PACS1: variants seen among roughly 807,000 people sequenced by gnomAD.
PACS1 encodes the protein phosphofurin acidic cluster sorting protein 1, also known as PACS-1.
In PACS1, 24 loss-of-function variants were observed where a neutral mutation model predicts 115.0. That is an observed-to-expected ratio of 0.21 (90% CI 0.15 to 0.29). The LOEUF (loss-of-function observed/expected upper bound fraction) is 0.29. Among genes scored for constraint, PACS1 ranks in the 10% least tolerant of loss-of-function variants. PACS1 has a pLI of 1.00. For synonymous variants in PACS1, 453 were observed against 504.5 expected (o/e 0.90, Z 1.37); for missense variants, 838 against 1,251.2 (o/e 0.67, Z 4.98).
chr11:66,102,658 C>T (rs1857946227), intron 1 of PACS1, among the ~76,000 whole-genome samples: 1 of 151,858 alleles, frequency 6.6e-6, no homozygotes, highest in Admixed American at 6.6e-5. Context: ...TACTGGTGGC[C>T]TTGAAATCAG....
chr11:66,077,662 G>C lies in PACS1; in HGVS notation c.356+6820G>C, dbSNP rs760174566. On this transcript the variant is annotated intron_variant, in intron 1 of 23. Coordinates refer to ENST00000320580, the MANE Select transcript of PACS1 (RefSeq NM_018026.4). ...ATAAAATAGTGTTGATGGCAGGTTT[G>C]TTTATTTAATTTTGTGCAGATCCTT... 2.0e-5 allele frequency among the ~76,000 whole-genome samples: 3 copies of C among 147,174 alleles called. No homozygotes were observed. In the East Asian group the frequency reaches 6.0e-4, roughly 29 times the overall value.
At chr11:66,224,729 C>T (rs543095927) in intron 10 of PACS1, among the ~76,000 whole-genome samples, 7 of 152,208 alleles carry the variant, frequency 4.6e-5, no homozygotes, top group South Asian at 4.1e-4. Flanking sequence ...GTATGAAAGG[C>T]GCTTTGGGAA....
At chr11:66,154,064 G>T (rs938131128) in intron 1 of PACS1, among the ~76,000 whole-genome samples, 5 of 152,122 alleles carry the variant, frequency 3.3e-5, no homozygotes, top group Non-Finnish European at 7.4e-5. Context: ...AGAGATTAAG[G>T]ATACTTTATA....
rs77181139 is a variant in PACS1, at chr11:66,233,316, G to C, written c.1838+250G>C. Among the ~76,000 whole-genome samples the C allele has an allele frequency of 0.011, 1,681 of 152,312 alleles. 17 individuals carry two copies. The highest frequency in any genetic ancestry group is 0.024 in the South Asian group (115 of 4,830). On this transcript the variant is annotated intron_variant, in intron 15 of 23. Transcript: ENST00000320580. This position sits in a 1 kb window ranked among gnomAD's most constrained non-coding sequence, Gnocchi z 4.5. ...CCTGCCTGGACCCCCGCCATGCCTT[G>C]ACTTGCTTTATCCTCTTAAACCCAT...
intron 1 of PACS1, among the ~76,000 whole-genome samples, chr11:66,181,305 A>G (rs1016863417): frequency 1.3e-5 from 2 of 151,414 alleles, no homozygotes; most frequent in South Asian, 4.2e-4. Flanking sequence ...TCCACCTCCC[A>G]GGGTTCAAAC....
chr11:66,195,783 TACAGC>T (rs1330007332), intron 2 of PACS1, among the ~76,000 whole-genome samples: 2 of 152,182 alleles, frequency 1.3e-5, no homozygotes, highest in Admixed American at 1.3e-4. Context: ...GCACAGGGGA[TACAGC>T]AGTGATCAAA....
At chr11:66,091,856 A>T (rs11605317) in intron 1 of PACS1, among the ~76,000 whole-genome samples, 1 of 151,314 alleles carries the variant, frequency 6.6e-6, no homozygotes, top group African/African-American at 2.4e-5. Flanking sequence ...TGAACTCATC[A>T]TTTTTTATGG....
Position 66,111,329 on chromosome 11 carries a change from C to T in PACS1, c.356+40487C>T, listed in dbSNP as rs568439364. On this transcript the variant is annotated intron_variant, in intron 1 of 23. Coordinates refer to ENST00000320580, the MANE Select transcript of PACS1 (RefSeq NM_018026.4). ...TTATTGTTGACTGCATGTTGTTCTG[C>T]GGTGCATGACTGTACTAGTTTTAAA... 6.6e-5 allele frequency among the ~76,000 whole-genome samples: 10 copies of T among 152,270 alleles called. No homozygotes were observed. In the South Asian group the frequency reaches 1.0e-3, roughly 16 times the overall value.
chr11:66,144,676 G>A (rs944897019), intron 1 of PACS1, among the ~76,000 whole-genome samples: 5 of 152,124 alleles, frequency 3.3e-5, no homozygotes, highest in African/African-American at 1.2e-4. Context: ...CTCTGTGGCC[G>A]AGGGTGGAGT....
chr11:66,233,923 C>T lies in PACS1; in HGVS notation c.1977C>T (p.Phe659=). The T allele has an allele frequency of 6.3e-7, 1 of 1,576,496 alleles. No homozygotes were observed. Residue 659 remains phenylalanine, a synonymous_variant, in exon 16 of 24, where the codon TTC becomes TTT. Coordinates refer to ENST00000320580, the MANE Select transcript of PACS1 (RefSeq NM_018026.4). This position sits in a 1 kb window ranked among gnomAD's most constrained non-coding sequence, Gnocchi z 4.5. ...KTSDWLGYMR[F]LIIPLGSHPV... ...CCGACTGGCTTGGCTACATGCGCTTCCTCATCATCCCCCTCGGTAAAGACG... is the reference window on the plus strand; with the variant it reads ...CCGACTGGCTTGGCTACATGCGCTTTCTCATCATCCCCCTCGGTAAAGACG...
intron 1 of PACS1, among the ~76,000 whole-genome samples, chr11:66,122,125 C>T (rs1858458004): frequency 6.6e-6 from 1 of 152,182 alleles, no homozygotes; most frequent in South Asian, 2.1e-4. Context: ...AGCCAATGCT[C>T]ATTGACTATT....
chr11:66,235,496 C>T lies in PACS1; in HGVS notation c.2207+93C>T. ...TGCTTTCTCACATTTTCCTTCTCCA[C>T]ATGCTATATTCCTTCATAGGAACCC... On this transcript the variant is annotated intron_variant, in intron 18 of 23. Coordinates refer to ENST00000320580, the MANE Select transcript of PACS1 (RefSeq NM_018026.4). The surrounding 1 kb of genome is among the most constrained non-coding windows in gnomAD (Gnocchi z 5.6). 3 of 916,122 alleles carry T rather than the reference C, an allele frequency of 3.3e-6. No individual in the cohort carries two copies. Among genetic ancestry groups the T allele is most frequent in the Non-Finnish European group, 1.7e-6 (1 of 572,002 alleles). The allele number at this position is 916,122 out of a possible 1,614,324, so 56.7% of individuals were successfully genotyped here. A position where few individuals can be genotyped will look rare whatever the true frequency, so the allele number is the denominator to read the frequency against.
intron 1 of PACS1, among the ~76,000 whole-genome samples, chr11:66,136,889 G>T (rs1265487065): frequency 6.6e-6 from 1 of 152,098 alleles, no homozygotes; most frequent in Non-Finnish European, 1.5e-5. Flanking sequence ...GCTATTGGAG[G>T]ACAGTGCCCG....
chr11:66,070,354 C>T lies in PACS1; in HGVS notation c.-133C>T. ...CGCCCAGAGGCCCCGCGCGTGCGTG[C>T]AGCTCGCTGGCTGCTCGCGCTCGGG... On this transcript the variant is annotated 5_prime_UTR_variant, in exon 1 of 24. Coordinates refer to ENST00000320580, the MANE Select transcript of PACS1 (RefSeq NM_018026.4). This position sits in a 1 kb window ranked among gnomAD's most constrained non-coding sequence, Gnocchi z 5.9. 1 of 399,552 alleles carries T rather than the reference C, an allele frequency of 2.5e-6. No homozygotes were observed. The highest frequency in any genetic ancestry group is 3.8e-6 in the Non-Finnish European group (1 of 260,318). The allele number at this position is 399,552 out of a possible 1,614,324, so 24.8% of individuals were successfully genotyped here.
At chr11:66,192,415 AG>A (rs758596578) in intron 1 of PACS1, among the ~76,000 whole-genome samples, 4 of 152,236 alleles carry the variant, frequency 2.6e-5, no homozygotes, top group South Asian at 4.1e-4. Flanking sequence ...GTTAGGTGGC[AG>A]GGTGGTGCCA....
intron 1 of PACS1, among the ~76,000 whole-genome samples, chr11:66,168,780 A>G (rs991771631): frequency 2.8e-5 from 4 of 141,120 alleles, no homozygotes; most frequent in African/African-American, 8.5e-5. Flanking sequence ...GTGTGTGTGT[A>G]TACATTTACA....
intron 1 of PACS1, among the ~76,000 whole-genome samples, chr11:66,140,258 A>G (rs751307091): frequency 1.3e-5 from 2 of 152,198 alleles, no homozygotes; most frequent in Non-Finnish European, 2.9e-5. Context: ...CTTTAGCTCT[A>G]CAGCTGTGCT....
In PACS1 at chr11:66,236,187, G is replaced by A. The variant is rs1428583505; in HGVS notation, c.2250+247G>A. 6.6e-6 allele frequency among the ~76,000 whole-genome samples: 1 copy of A among 152,192 alleles called. No individual in the cohort carries two copies. Among genetic ancestry groups the A allele is most frequent in the Non-Finnish European group, 1.5e-5 (1 of 68,036 alleles). ...CACAGGAGGTCCCGCAGCAGAGAAT[G>A]GCTTGGCCCCAAGTGTCAGTAGTGC... On this transcript the variant is annotated intron_variant, in intron 19 of 23. Coordinates refer to ENST00000320580, the MANE Select transcript of PACS1 (RefSeq NM_018026.4). This position sits in a 1 kb window ranked among gnomAD's most constrained non-coding sequence, Gnocchi z 4.2.
intron 1 of PACS1, among the ~76,000 whole-genome samples, chr11:66,162,217 G>T (rs943033780): frequency 7.0e-6 from 1 of 142,236 alleles, no homozygotes; most frequent in Non-Finnish European, 1.5e-5. Flanking sequence ...TGCCTCCCAG[G>T]TTCAAGTGAT....
Sources: allele counts gnomAD v4.1 joint callset (sites outside exome capture counted in the v4.1 genomes callset), GRCh38; gene constraint gnomAD v4.1.1; non-coding constraint Gnocchi (gnomAD v3.1); transcripts MANE v1.5; gene names NCBI Gene and HGNC (gene_info 2026-07-23, HGNC 2026-07-21).